The following NPAT variants were observed in gnomAD, a reference collection of about 807,000 sequenced individuals.
NPAT encodes the protein protein NPAT.
NPAT carries 52 observed loss-of-function variants against 130.7 expected under a neutral mutation model. The observed-to-expected ratio is 0.40, with a 90% confidence interval of 0.32 to 0.50. NPAT has a LOEUF of 0.50. Ranked by LOEUF, NPAT falls within the 20% of genes least tolerant of loss-of-function variation. The pLI is 0.68. For synonymous variants in NPAT, 580 were observed against 584.8 expected (o/e 0.99, Z 0.12); for missense variants, 1,687 against 1,662.6 (o/e 1.01, Z -0.26).
intron 13 of NPAT, among the ~76,000 whole-genome samples, chr11:108,170,498 A>G (rs532607647): frequency 3.6e-4 from 55 of 152,156 alleles, no homozygotes; most frequent in Non-Finnish European, 5.0e-4. Context: ...AACCTATTAC[A>G]TATCTCAATG....
intron 1 of NPAT, among the ~76,000 whole-genome samples, chr11:108,217,853 C>T (rs528953249): frequency 6.6e-6 from 1 of 152,124 alleles, no homozygotes; most frequent in East Asian, 1.9e-4. Flanking sequence ...ATTAGCCGGG[C>T]GTGGTGGTGA....
At chr11:108,220,344 G>C (rs367600100) in intron 1 of NPAT, among the ~76,000 whole-genome samples, 1 of 152,116 alleles carries the variant, frequency 6.6e-6, no homozygotes, top group African/African-American at 2.4e-5. Flanking sequence ...CTTGTGAAAG[G>C]GTGACACAGA....
chr11:108,179,437 T>C lies in NPAT; in HGVS notation c.907-2347A>G, dbSNP rs533471187. Among the ~76,000 whole-genome samples the C allele has an allele frequency of 1.8e-4, 27 of 152,216 alleles. No individual in the cohort carries two copies. In the South Asian group the frequency reaches 5.6e-3, roughly 32 times the overall value. ...CATGTGACACCACACCCAGCTAATT[T>C]TGGTCTCAAACTGGCTAGTCTCGAA... On this transcript the variant is annotated intron_variant, in intron 10 of 17. Coordinates refer to ENST00000278612, the MANE Select transcript of NPAT (RefSeq NM_002519.3).
chr11:108,195,724 C>A (rs1245929363), intron 2 of NPAT, among the ~76,000 whole-genome samples: 5 of 152,062 alleles, frequency 3.3e-5, no homozygotes, highest in Admixed American at 2.0e-4. Context: ...ACCTCCTGGG[C>A]TCATGCAATC....
Position 108,216,299 on chromosome 11 carries a change from T to C in NPAT, c.37+6201A>G, listed in dbSNP as rs573250563. On this transcript the variant is annotated intron_variant, in intron 1 of 17. Transcript: ENST00000278612. ...ACTATAGATTTGCAGTAGATTTTTA[T>C]CTATCTTAAAGTAGATTTGCTTTCC... 1.9e-3 allele frequency among the ~76,000 whole-genome samples: 290 copies of C among 152,300 alleles called. 1 individual carries two copies. Among genetic ancestry groups the C allele is most frequent in the Non-Finnish European group, 2.0e-3 (133 of 68,018 alleles).
intron 2 of NPAT, among the ~76,000 whole-genome samples, chr11:108,196,921 T>C (rs1442915825): frequency 6.6e-6 from 1 of 152,180 alleles, no homozygotes; most frequent in Non-Finnish European, 1.5e-5. Flanking sequence ...AAATGATGGT[T>C]TGTTGGTCTA....
chr11:108,186,807 G>T, intron 7 of NPAT, among the ~76,000 whole-genome samples: 1 of 151,982 alleles, frequency 6.6e-6, no homozygotes. Context: ...CATATAGGCA[G>T]GTTTTACTAC....
chr11:108,175,308 C>T (rs1439251491), intron 12 of NPAT, among the ~76,000 whole-genome samples: 2 of 152,146 alleles, frequency 1.3e-5, no homozygotes, highest in Non-Finnish European at 2.9e-5. Context: ...TGGTACCACC[C>T]AATTTCAGGC....
At chr11:108,160,772 C>G in intron 17 of NPAT, 108 bp downstream of exon 17, 5 of 976,180 alleles carry the variant, frequency 5.1e-6, no homozygotes, top group South Asian at 1.4e-5. Context: ...TAAAAGCTGT[C>G]TTAGCCATAA....
At position 108,192,114 on chromosome 11, in the gene NPAT, T is replaced by G; in HGVS notation, c.290+4A>C. ...TCATTAGGCACATTCTAATAGCTTATTACCTGATCTGAGAAAGTGTATGGT... is the reference window on the plus strand; with the variant it reads ...TCATTAGGCACATTCTAATAGCTTAGTACCTGATCTGAGAAAGTGTATGGT... On this transcript the variant is annotated splice_donor_region_variant and intron_variant, in intron 4 of 17. Transcript: ENST00000278612. 1 of 1,577,182 alleles carries G rather than the reference T, an allele frequency of 6.3e-7. No homozygotes were observed.
chr11:108,175,210 T>C (rs2077994057), intron 12 of NPAT, among the ~76,000 whole-genome samples: 1 of 152,208 alleles, frequency 6.6e-6, no homozygotes, highest in African/African-American at 2.4e-5. Context: ...TATTAGCTAT[T>C]GTTAATTTCT....
At chr11:108,198,615 A>G (rs181936181) in intron 1 of NPAT, among the ~76,000 whole-genome samples, 1 of 151,746 alleles carries the variant, frequency 6.6e-6, no homozygotes, top group Non-Finnish European at 1.5e-5. Flanking sequence ...CCAGAGTGAG[A>G]ACTTCCTAGA....
intron 2 of NPAT, among the ~76,000 whole-genome samples, chr11:108,197,070 G>T (rs996796501): frequency 1.3e-5 from 2 of 152,148 alleles, no homozygotes; most frequent in African/African-American, 4.8e-5. Context: ...AGAAACGAGG[G>T]TGTCATTTTG....
At chr11:108,179,701 C>T (rs1321694637) in intron 10 of NPAT, among the ~76,000 whole-genome samples, 1 of 152,080 alleles carries the variant, frequency 6.6e-6, no homozygotes, top group East Asian at 1.9e-4. Flanking sequence ...ATAATCCCAA[C>T]ATTTTGGGAG....
intron 1 of NPAT, among the ~76,000 whole-genome samples, chr11:108,207,422 A>G (rs1008542383): frequency 1.3e-5 from 2 of 152,160 alleles, no homozygotes; most frequent in Non-Finnish European, 2.9e-5. Flanking sequence ...GCCACCATCA[A>G]CCTGACATCC....
intron 12 of NPAT, among the ~76,000 whole-genome samples, chr11:108,174,840 A>G (rs571354208): frequency 7.9e-5 from 12 of 152,072 alleles, no homozygotes; most frequent in Non-Finnish European, 1.5e-5. Context: ...GCTGGTCCTG[A>G]ACTCCTGACC....
At chr11:108,196,105 G>A (rs1320530611) in intron 2 of NPAT, among the ~76,000 whole-genome samples, 1 of 152,194 alleles carries the variant, frequency 6.6e-6, no homozygotes, top group Non-Finnish European at 1.5e-5. Context: ...TTACGGTCCT[G>A]TGTTTTACAT....
rs1167559522 is a variant in NPAT at position 108,173,469 on chromosome 11, A to G, written c.1515T>C (p.Pro505=). The G allele has an allele frequency of 6.2e-7, 1 of 1,614,182 alleles. No homozygotes were observed. The highest frequency in any genetic ancestry group is 1.1e-5 in the South Asian group (1 of 91,082). Residue 505 remains proline (P), a synonymous_variant, in exon 13 of 18, where the codon CCT becomes CCC. Transcript: ENST00000278612. ...AAACAAATGAAGTTATTGGTATATC[A>G]GGCTGATCAGGCTGTAACTGAGATT... ...PSESQLQPDQ[P]DIPITSFVSL... is the part of the protein sequence containing the mutation.
intron 1 of NPAT, among the ~76,000 whole-genome samples, chr11:108,200,193 C>T (rs973431877): frequency 6.6e-6 from 1 of 152,176 alleles, no homozygotes; most frequent in Admixed American, 6.5e-5. Flanking sequence ...CAGCACAGTC[C>T]TATGACTACA....
Sources: gnomAD v4.1 joint callset for allele counts (sites outside exome capture counted in the v4.1 genomes callset) on GRCh38, gnomAD v4.1.1 for gene constraint, MANE v1.5 for transcripts, NCBI Gene and HGNC (gene_info 2026-07-23, HGNC 2026-07-21) for gene names.